The following TENM3 variants were observed in gnomAD, a reference collection of about 807,000 sequenced individuals.
The protein encoded by TENM3 is teneurin transmembrane protein 3, also known as teneurin-3.
Under a neutral mutation model 255.1 loss-of-function variants are expected in TENM3, and 63 were observed. That is an observed-to-expected ratio of 0.25 (90% CI 0.20 to 0.30). The LOEUF (loss-of-function observed/expected upper bound fraction) is 0.30. Ranked by LOEUF, TENM3 falls within the 10% of genes least tolerant of loss-of-function variation. The pLI is 1.00. For synonymous variants in TENM3, 1,306 were observed against 1,322.3 expected (o/e 0.99, Z 0.27); for missense variants, 2,929 against 3,461.1 (o/e 0.85, Z 3.86).
At chr4:181,881,997 T>G in the TENM3 span, among the ~76,000 whole-genome samples, 1 of 152,316 alleles carries the variant, frequency 6.6e-6, no homozygotes, top group South Asian at 2.1e-4. Context: ...GAGAAAAATA[T>G]GCACACCATT....
the TENM3 span, among the ~76,000 whole-genome samples, chr4:181,794,476 C>T: frequency 2.0e-5 from 3 of 152,142 alleles, no homozygotes; most frequent in Non-Finnish European, 2.9e-5. Context: ...GGCAACCGCC[C>T]TTCTACTCTC....
chr4:181,697,308 G>A, the TENM3 span, among the ~76,000 whole-genome samples: 1 of 152,144 alleles, frequency 6.6e-6, no homozygotes, highest in Non-Finnish European at 1.5e-5. Context: ...AGGTGGAGGG[G>A]CTTTTCCTTT....
chr4:182,370,675 T>C (rs140047595), intron 3 of TENM3, among the ~76,000 whole-genome samples: 1,970 of 152,282 alleles, frequency 0.013, 27 homozygotes, highest in South Asian at 0.036. Context: ...TTCCCAAGTA[T>C]TGTTATCTGT....
At chr4:182,585,733 T>C (rs1267746862) in intron 3 of TENM3, among the ~76,000 whole-genome samples, 2 of 152,224 alleles carry the variant, frequency 1.3e-5, no homozygotes, top group Admixed American at 6.5e-5. Flanking sequence ...ATTCTCTTCA[T>C]GATATATCCA....
At chr4:182,794,533 A>C (rs1214859662) in intron 26 of TENM3, among the ~76,000 whole-genome samples, 1 of 152,214 alleles carries the variant, frequency 6.6e-6, no homozygotes, top group Non-Finnish European at 1.5e-5. Context: ...TTGCTTAGAC[A>C]ATGGATCCTG....
At chr4:181,664,520 A>G in the TENM3 span, among the ~76,000 whole-genome samples, 6 of 152,088 alleles carry the variant, frequency 3.9e-5, no homozygotes, top group Non-Finnish European at 8.8e-5. Context: ...GCAGAAAGCT[A>G]TTGTGAGGCT....
chr4:182,699,725 A>G (rs1757700322), intron 12 of TENM3, among the ~76,000 whole-genome samples: 1 of 152,180 alleles, frequency 6.6e-6, no homozygotes. Context: ...AGTAAGTGAT[A>G]TGTCAAATTC....
chr4:182,169,418 T>A (rs1368635880), intron 1 of TENM3: 2 of 410,462 alleles, frequency 4.9e-6, no homozygotes, highest in Non-Finnish European at 9.7e-6. Flanking sequence ...AAAAGAAGTC[T>A]CCTGAGATGG....
chr4:181,770,108 G>T, the TENM3 span, among the ~76,000 whole-genome samples: 8 of 152,272 alleles, frequency 5.3e-5, no homozygotes, highest in East Asian at 7.7e-4. Flanking sequence ...GGGCTGGGGG[G>T]TTAGTGTGGA....
intron 1 of TENM3, among the ~76,000 whole-genome samples, chr4:182,206,135 G>A (rs183866725): frequency 1.9e-3 from 296 of 151,988 alleles, no homozygotes; most frequent in Non-Finnish European, 3.6e-3. Context: ...AAATGTCTGT[G>A]TAAGTGTTAA....
In TENM3 at chr4:182,333,552, TCA is replaced by T. The variant is rs145955710; in HGVS notation, c.232+9303_232+9304del. ...GAAAGGATTCTTTATTCAAATAAAC[TCA>T]CAAGAAGAAAAAACACTTCAATATG... On this transcript the variant is annotated intron_variant, in intron 2 of 27. Coordinates refer to ENST00000511685, the MANE Select transcript of TENM3 (RefSeq NM_001080477.4). 7.5e-3 allele frequency among the ~76,000 whole-genome samples: 1,147 copies of T among 152,186 alleles called. 17 individuals are homozygous for T. Among genetic ancestry groups the T allele is most frequent in the African/African-American group, 0.026 (1,088 of 41,542 alleles).
chr4:182,141,119 G>C (rs868543650), upstream of TENM3: 1 of 152,262 alleles, frequency 6.6e-6, no homozygotes, highest in African/African-American at 2.4e-5. Flanking sequence ...GTGGCAAGAG[G>C]GGCCCACGGG....
chr4:182,058,000 G>A, the TENM3 span, among the ~76,000 whole-genome samples: 4 of 151,928 alleles, frequency 2.6e-5, no homozygotes, highest in Non-Finnish European at 4.4e-5. Context: ...ATATCTAAAA[G>A]AGCCATCTTA....
the TENM3 span, among the ~76,000 whole-genome samples, chr4:181,935,807 A>T: frequency 2.0e-5 from 3 of 151,732 alleles, no homozygotes; most frequent in Non-Finnish European, 4.4e-5. Context: ...CTTGAAGCGC[A>T]CTCTACCGAC....
Position 182,603,140 on chromosome 4 carries a change from T to C in TENM3, c.749+1979T>C, listed in dbSNP as rs1261688161. Among the ~76,000 whole-genome samples, 5 of 152,166 alleles carry C rather than the reference T, an allele frequency of 3.3e-5. No individual in the cohort carries two copies. In the East Asian group the frequency reaches 9.6e-4, roughly 29 times the overall value. On this transcript the variant is annotated intron_variant, in intron 4 of 27. Coordinates refer to ENST00000511685, the MANE Select transcript of TENM3 (RefSeq NM_001080477.4). ...ATGAGACTTTAAAGAAAGAAAGTAGTTGGTTAGAAGAAAATCCACTGTAGC... is the reference window on the plus strand; with the variant it reads ...ATGAGACTTTAAAGAAAGAAAGTAGCTGGTTAGAAGAAAATCCACTGTAGC...
chr4:181,785,674 T>C, the TENM3 span, among the ~76,000 whole-genome samples: 4 of 152,024 alleles, frequency 2.6e-5, no homozygotes, highest in Admixed American at 1.3e-4. Flanking sequence ...CTAGTGAGTA[T>C]AATGCAAATA....
chr4:181,816,077 A>G, the TENM3 span, among the ~76,000 whole-genome samples: 1 of 152,152 alleles, frequency 6.6e-6, no homozygotes, highest in African/African-American at 2.4e-5. Context: ...GCCTGCTAAC[A>G]TTTTTGTTTC....
At chr4:182,485,073 A>G (rs900124680) in intron 3 of TENM3, among the ~76,000 whole-genome samples, 5 of 152,120 alleles carry the variant, frequency 3.3e-5, no homozygotes, top group African/African-American at 4.8e-5. Flanking sequence ...TATACCTCCT[A>G]TAAATAAAGG....
rs1374674904 is a variant in TENM3 at position 182,221,305 on chromosome 4, T to C, written c.-76+76551T>C. Among the ~76,000 whole-genome samples, 12 of 152,318 alleles carry C rather than the reference T, an allele frequency of 7.9e-5. No individual in the cohort carries two copies. In the East Asian group the frequency reaches 1.9e-3, roughly 24 times the overall value. ...AGTAATATTAGAATATTTGATCTTT[T>C]TAAGGATTTGCCTTGACATTTATTT... On this transcript the variant is annotated intron_variant, in intron 1 of 2. Transcript: ENST00000512480.
Sources: allele counts gnomAD v4.1 joint callset (sites outside exome capture counted in the v4.1 genomes callset), GRCh38; gene constraint gnomAD v4.1.1; transcripts MANE v1.5; gene names NCBI Gene and HGNC (gene_info 2026-07-23, HGNC 2026-07-21).